Variants in ASCC3 observed in about 807,000 individuals in gnomAD.
ASCC3 encodes ASC-1 complex subunit P200.
ASCC3 carries 158 observed loss-of-function variants against 256.3 expected under a neutral mutation model. The observed-to-expected ratio is 0.62, with a 90% CI of 0.54 to 0.70. The LOEUF (loss-of-function observed/expected upper bound fraction) is 0.70. Ranked by LOEUF, ASCC3 falls within the 30% of genes least tolerant of loss-of-function variation. ASCC3 has a pLI of 0.00. For missense variants in ASCC3, 2,259 were observed against 2,626.0 expected, an observed-to-expected ratio of 0.86 and a Z score of 3.05; for synonymous variants, 948 against 883.4, an observed-to-expected ratio of 1.07 and a Z score of -1.30.
intron 1 of ASCC3, among the ~76,000 whole-genome samples, chr6:100,875,402 T>C (rs1773950895): frequency 6.6e-6 from 1 of 152,220 alleles, no homozygotes; most frequent in African/African-American, 2.4e-5. Context: ...GCATATGGTT[T>C]TGGATTTCCT....
At chr6:100,536,287 C>T (rs930171867) in intron 37 of ASCC3, among the ~76,000 whole-genome samples, 1 of 152,198 alleles carries the variant, frequency 6.6e-6, no homozygotes, top group East Asian at 1.9e-4. Context: ...ACTAAGTGAA[C>T]CCTTTGGTCT....
At chr6:100,658,994 T>C (rs1776056880) in intron 16 of ASCC3, among the ~76,000 whole-genome samples, 1 of 151,480 alleles carries the variant, frequency 6.6e-6, no homozygotes, top group African/African-American at 2.4e-5. Context: ...TGGATGGGAC[T>C]TGTGACCTTT....
At chr6:100,809,866 G>A (rs1394218028) in intron 4 of ASCC3, among the ~76,000 whole-genome samples, 1 of 152,032 alleles carries the variant, frequency 6.6e-6, no homozygotes, top group Non-Finnish European at 1.5e-5. Flanking sequence ...AAGCCCAAGT[G>A]ATCCTTGGCC....
chr6:100,665,143 C>G (rs1259217838), intron 14 of ASCC3, among the ~76,000 whole-genome samples: 3 of 152,074 alleles, frequency 2.0e-5, no homozygotes, highest in Non-Finnish European at 2.9e-5. Context: ...GACATAGTAC[C>G]TCCCACTTGA....
chr6:100,642,636 T>TA lies in ASCC3; in HGVS notation c.3845dup (p.Cys1283MetfsTer34). 1 of 1,613,990 alleles carries TA rather than the reference T, an allele frequency of 6.2e-7. No individual in the cohort carries two copies. The stretch of plus-strand genomic sequence containing the variant: ...TTAGATGTTGAAAGTTGATAATACA[T>TA]ACTGCCTCAGCACCCAACCATCTAT... On this transcript the variant is annotated frameshift_variant, in exon 24 of 42. Transcript: ENST00000369162. LOFTEE classifies it high-confidence loss of function.
intron 17 of ASCC3, among the ~76,000 whole-genome samples, chr6:100,653,908 T>C (rs1775796466): frequency 6.6e-6 from 1 of 152,006 alleles, no homozygotes. Context: ...TAAAGTGAAA[T>C]ATGACCTTTA....
intron 10 of ASCC3, among the ~76,000 whole-genome samples, chr6:100,728,203 AT>A (rs1282527686): frequency 6.6e-6 from 1 of 151,988 alleles, no homozygotes; most frequent in South Asian, 2.1e-4. Flanking sequence ...ATGAATATAT[AT>A]TTTTTCATAT....
At chr6:100,757,584 CAGA>C (rs34329368) in intron 10 of ASCC3, among the ~76,000 whole-genome samples, 142,835 of 151,940 alleles carry the variant, frequency 0.94, 67,461 homozygotes, top group South Asian at 0.99. Flanking sequence ...GCACAAACCA[CAGA>C]AGAAGTTTAT....
chr6:100,774,123 T>A (rs6570967), intron 8 of ASCC3, among the ~76,000 whole-genome samples: 148,285 of 152,312 alleles, frequency 0.97, 72,314 homozygotes, highest in East Asian at 1. Flanking sequence ...GTCAGACAAT[T>A]TTTAAAATGA....
chr6:100,797,261 C>A (rs1009948909), intron 8 of ASCC3, among the ~76,000 whole-genome samples: 10 of 151,652 alleles, frequency 6.6e-5, no homozygotes, highest in Admixed American at 5.3e-4. Flanking sequence ...ACCAGCCTGG[C>A]CAACATGGCA....
At chr6:100,745,868 A>T (rs1403026533) in intron 10 of ASCC3, among the ~76,000 whole-genome samples, 1 of 152,118 alleles carries the variant, frequency 6.6e-6, no homozygotes, top group African/African-American at 2.4e-5. Context: ...TTTTTCTATC[A>T]ATCAGTAACC....
At chr6:100,803,236 T>A (rs1204328588) in intron 5 of ASCC3, among the ~76,000 whole-genome samples, 2 of 152,122 alleles carry the variant, frequency 1.3e-5, no homozygotes, top group Non-Finnish European at 2.9e-5. Context: ...TATGTCCCCA[T>A]ACAAATTTCA....
intron 16 of ASCC3, among the ~76,000 whole-genome samples, chr6:100,658,973 G>A (rs1354661540): frequency 6.6e-6 from 1 of 151,386 alleles, no homozygotes; most frequent in African/African-American, 2.4e-5. Context: ...AAAGTTAAGT[G>A]ACTTTATATA....
At chr6:100,582,773 T>A (rs1771371670) in intron 36 of ASCC3, among the ~76,000 whole-genome samples, 1 of 152,170 alleles carries the variant, frequency 6.6e-6, no homozygotes, top group Admixed American at 6.5e-5. Context: ...CAATACCTAA[T>A]TTATTGAGAG....
intron 4 of ASCC3, among the ~76,000 whole-genome samples, chr6:100,836,453 G>A (rs1322559078): frequency 6.6e-6 from 1 of 152,154 alleles, no homozygotes; most frequent in African/African-American, 2.4e-5. Context: ...ATCATGAAGT[G>A]GTGTTGAATT....
At chr6:100,795,286 T>C (rs527705418) in intron 8 of ASCC3, among the ~76,000 whole-genome samples, 3 of 151,202 alleles carry the variant, frequency 2.0e-5, no homozygotes, top group South Asian at 4.2e-4. Context: ...CCTGGTTATA[T>C]GGAGAAAGCC....
At chr6:100,765,463 C>T (rs1781609101) in intron 10 of ASCC3, among the ~76,000 whole-genome samples, 7 of 152,220 alleles carry the variant, frequency 4.6e-5, no homozygotes, top group Admixed American at 4.6e-4. Flanking sequence ...ATGATAAAAC[C>T]TTGGTCTCCA....
intron 9 of ASCC3, 100 bp downstream of exon 9, chr6:100,767,045 C>A: frequency 8.3e-7 from 1 of 1,202,718 alleles, no homozygotes; most frequent in Non-Finnish European, 1.2e-6. Flanking sequence ...ACTTCAAGTA[C>A]AATATCTTTA....
At chr6:100,833,990 C>T (rs1240689581) in intron 4 of ASCC3, among the ~76,000 whole-genome samples, 3 of 152,086 alleles carry the variant, frequency 2.0e-5, no homozygotes, top group Non-Finnish European at 4.4e-5. Flanking sequence ...CGCTGGAACC[C>T]GGGAGGCAGA....
Sources: allele counts gnomAD v4.1 joint callset (sites outside exome capture counted in the v4.1 genomes callset), GRCh38; gene constraint gnomAD v4.1.1; transcripts MANE v1.5; gene names NCBI Gene and HGNC (gene_info 2026-07-23, HGNC 2026-07-21).